The following LRMDA variants were observed in gnomAD, a reference collection of about 807,000 sequenced individuals.
LRMDA encodes leucine rich melanocyte differentiation associated, also known as leucine-rich melanocyte differentiation-associated protein.
Under a neutral mutation model 29.8 loss-of-function variants are expected in LRMDA, and 18 were observed. The observed-to-expected ratio is 0.60, with a 90% CI of 0.42 to 0.90. LRMDA has a LOEUF of 0.90. Among genes scored for constraint, LRMDA ranks in the 40% least tolerant of loss-of-function variants. LRMDA has a pLI of 0.00. For missense variants in LRMDA, 273 were observed against 273.9 expected, an observed-to-expected ratio of 1.00 and a Z score of 0.02; for synonymous variants, 125 against 109.4, an observed-to-expected ratio of 1.14 and a Z score of -0.89.
chr10:76,160,703 C>T (rs572920188), intron 5 of LRMDA, among the ~76,000 whole-genome samples: 5 of 152,080 alleles, frequency 3.3e-5, no homozygotes, highest in Admixed American at 2.0e-4. Context: ...GCTCCTTATC[C>T]AGTGCTGTTT....
chr10:75,959,300 G>A (rs1846720181), intron 2 of LRMDA, among the ~76,000 whole-genome samples: 1 of 152,172 alleles, frequency 6.6e-6, no homozygotes, highest in South Asian at 2.1e-4. Context: ...GTGGGAGAGG[G>A]ACCGGGTTTT....
chr10:76,059,777 G>C (rs987958223), intron 5 of LRMDA, among the ~76,000 whole-genome samples: 1 of 152,214 alleles, frequency 6.6e-6, no homozygotes, highest in South Asian at 2.1e-4. Context: ...TTGCTCTGCT[G>C]GCAGCAGACC....
At chr10:76,430,459 T>G (rs1165368434) in intron 6 of LRMDA, among the ~76,000 whole-genome samples, 1 of 152,204 alleles carries the variant, frequency 6.6e-6, no homozygotes, top group African/African-American at 2.4e-5. Context: ...GGAAAGGAGC[T>G]GATGGTATCA....
At chr10:75,460,187 T>C (rs1200126912) in intron 2 of LRMDA, among the ~76,000 whole-genome samples, 1 of 152,234 alleles carries the variant, frequency 6.6e-6, no homozygotes, top group African/African-American at 2.4e-5. Flanking sequence ...AATATCAGAT[T>C]ATTGTTTAAA....
intron 2 of LRMDA, among the ~76,000 whole-genome samples, chr10:75,842,295 G>A (rs1266185122): frequency 1.3e-5 from 2 of 152,132 alleles, no homozygotes; most frequent in East Asian, 3.9e-4. Context: ...AAGAAATTAT[G>A]CTCAATATTT....
chr10:76,250,570 T>C (rs935660017), intron 5 of LRMDA, among the ~76,000 whole-genome samples: 1 of 152,220 alleles, frequency 6.6e-6, no homozygotes, highest in Non-Finnish European at 1.5e-5. Context: ...AATCTCGTAT[T>C]TGGAGCATTT....
intron 2 of LRMDA, among the ~76,000 whole-genome samples, chr10:75,627,430 T>C (rs770879103): frequency 4.6e-5 from 7 of 152,166 alleles, no homozygotes; most frequent in African/African-American, 7.2e-5. Flanking sequence ...TTAGAAAAGA[T>C]CATAGGTCTT....
chr10:76,430,458 C>A (rs907320034), intron 6 of LRMDA, among the ~76,000 whole-genome samples: 1 of 152,138 alleles, frequency 6.6e-6, no homozygotes, highest in Non-Finnish European at 1.5e-5. Context: ...AGGAAAGGAG[C>A]TGATGGTATC....
intron 6 of LRMDA, among the ~76,000 whole-genome samples, chr10:76,444,451 G>C (rs1220009313): frequency 6.6e-6 from 1 of 152,184 alleles, no homozygotes; most frequent in African/African-American, 2.4e-5. Flanking sequence ...CCATTCTTAA[G>C]AGGCAAGAGA....
intron 5 of LRMDA, among the ~76,000 whole-genome samples, chr10:76,074,690 T>C (rs11001605): frequency 0.38 from 57,454 of 152,030 alleles, 12,049 homozygotes; most frequent in Non-Finnish European, 0.46. Flanking sequence ...ATCATGTCTG[T>C]AGCCCACCTG....
At chr10:76,488,175 T>C (rs1842800829) in intron 6 of LRMDA, among the ~76,000 whole-genome samples, 1 of 151,954 alleles carries the variant, frequency 6.6e-6, no homozygotes, top group Admixed American at 6.6e-5. Flanking sequence ...AAAAATTATC[T>C]GTTTTTCTTT....
At chr10:75,719,312 T>C (rs1482247356) in intron 2 of LRMDA, among the ~76,000 whole-genome samples, 1 of 152,230 alleles carries the variant, frequency 6.6e-6, no homozygotes, top group African/African-American at 2.4e-5. Flanking sequence ...ATTATTTGCC[T>C]AAAGAAGAGA....
intron 5 of LRMDA, among the ~76,000 whole-genome samples, chr10:76,085,650 T>C (rs1849121740): frequency 6.6e-6 from 1 of 152,196 alleles, no homozygotes; most frequent in Admixed American, 6.5e-5. Flanking sequence ...GTCTCTTTCC[T>C]GTCTCCCAGC....
intron 2 of LRMDA, among the ~76,000 whole-genome samples, chr10:75,841,892 G>A (rs369234023): frequency 2.5e-4 from 38 of 152,308 alleles, no homozygotes; most frequent in African/African-American, 8.9e-4. Flanking sequence ...AGTACAACTA[G>A]CCCTGGGTTT....
At chr10:75,738,394 T>C (rs999538175) in intron 2 of LRMDA, among the ~76,000 whole-genome samples, 2 of 152,176 alleles carry the variant, frequency 1.3e-5, no homozygotes, top group Non-Finnish European at 2.9e-5. Context: ...GCCTCACTAT[T>C]GGACTCTCCT....
intron 2 of LRMDA, among the ~76,000 whole-genome samples, chr10:75,586,942 G>A (rs1309731166): frequency 1.3e-5 from 2 of 151,938 alleles, no homozygotes; most frequent in African/African-American, 4.8e-5. Flanking sequence ...TTACTCTGTT[G>A]ATTGATTTCT....
At chr10:75,716,720 C>G (rs1265224693) in intron 2 of LRMDA, among the ~76,000 whole-genome samples, 1 of 152,166 alleles carries the variant, frequency 6.6e-6, no homozygotes, top group African/African-American at 2.4e-5. Flanking sequence ...TCATGTGTCT[C>G]TTTTGCTCAG....
At chr10:76,336,914 G>T (rs1186429247) in intron 6 of LRMDA, among the ~76,000 whole-genome samples, 2 of 152,010 alleles carry the variant, frequency 1.3e-5, no homozygotes, top group Admixed American at 6.5e-5. Context: ...TCAAGAGATA[G>T]CTTTCCTTGT....
intron 5 of LRMDA, among the ~76,000 whole-genome samples, chr10:76,083,833 C>CAAA (rs71024585): frequency 1.7e-4 from 20 of 116,982 alleles, no homozygotes; most frequent in African/African-American, 4.5e-4. Flanking sequence ...GACTGCATCT[C>CAAA]AAAAAAAAAA....
Sources: gnomAD v4.1 joint callset for allele counts (sites outside exome capture counted in the v4.1 genomes callset) on GRCh38, gnomAD v4.1.1 for gene constraint, MANE v1.5 for transcripts, NCBI Gene and HGNC (gene_info 2026-07-23, HGNC 2026-07-21) for gene names.